PHF23: variants seen among roughly 807,000 people sequenced by gnomAD.
PHF23 encodes the protein PDH-containing protein JUNE-1.
A neutral mutation model predicts 36.0 loss-of-function variants in PHF23; 3 were observed. The ratio of observed to expected loss-of-function variants is 0.08; its 90% CI spans 0.04 to 0.22. The LOEUF (loss-of-function observed/expected upper bound fraction) is 0.22, where lower values mean the gene tolerates loss of function less well. PHF23 is among the 10% of genes least tolerant of loss of function. PHF23 has a pLI of 1.00. For missense variants in PHF23, 475 were observed against 513.6 expected, an observed-to-expected ratio of 0.92 and a Z score of 0.73; for synonymous variants, 242 against 192.5, an observed-to-expected ratio of 1.26 and a Z score of -2.13.
At position 7,236,155 on chromosome 17, in the gene PHF23, C is replaced by T. The variant is rs771843634; in HGVS notation, c.772G>A (p.Glu258Lys). The T allele has an allele frequency of 6.8e-6, 11 of 1,610,156 alleles. No homozygotes were observed. The South Asian group carries it at 8.8e-5, about 13-fold the overall frequency. Residue 258 changes from glutamate to lysine, a missense_variant, in exon 4 of 5, where the codon GAA (glutamate) becomes AAA (lysine). By Grantham distance (56) the Glu-to-Lys change is moderately conservative. This residue lies in a region of PHF23 where 350 missense variants were observed against 319.8 expected (regional missense o/e 1.09). Coordinates refer to ENST00000320316, the MANE Select transcript of PHF23 (RefSeq NM_024297.3). This position sits in a 1 kb window ranked among gnomAD's most constrained non-coding sequence, Gnocchi z 5.1. ...ACCACTGTTGCCATCTCTTCTTCTT[C>T]TTCCTCTTCCTCCTCTTCCTCCTCC... is the stretch of plus-strand genomic sequence containing the variant. The part of the protein sequence containing the change: ...EEEEEEEEEE[E>K]EEEMATVVGG...
chr17:7,236,237 A>G lies in PHF23; in HGVS notation c.690T>C (p.Asp230=). The G allele has an allele frequency of 6.2e-7, 1 of 1,613,292 alleles. No homozygotes were observed. The highest frequency in any genetic ancestry group is 1.7e-4 in the Middle Eastern group (1 of 6,058). ...GGGGAGGCCCAGGAGGTGGGAGTCT[A>G]TCCCCCCGTTCTGCCTTTTTTAACT... ...KRKLKKAERG[D]RLPPPGPPQA... The change falls in exon 4 of 5, where the codon GAT becomes GAC. Residue 230 remains aspartate (D), a synonymous_variant. Coordinates refer to ENST00000320316, the MANE Select transcript of PHF23 (RefSeq NM_024297.3). This position sits in a 1 kb window ranked among gnomAD's most constrained non-coding sequence, Gnocchi z 5.1.
At chr17:7,237,867 G>A in intron 1 of PHF23, 5 of 599,778 alleles carry the variant, frequency 8.3e-6, no homozygotes, top group South Asian at 6.0e-5. Context: ...CTGAGGCCTC[G>A]CTATAGCGCT....
intron 1 of PHF23, 54 bp from the exon 2 acceptor site, chr17:7,237,714 T>TC: frequency 6.3e-7 from 1 of 1,597,056 alleles, no homozygotes. Flanking sequence ...TGTGTAAAAC[T>TC]CCCCCTCTAA....
intron 1 of PHF23, chr17:7,238,981 T>G (rs1325844794): frequency 6.8e-7 from 1 of 1,470,108 alleles, no homozygotes; most frequent in Admixed American, 2.2e-5. Context: ...GGTGGCCCTT[T>G]CGGGCCCTAA....
rs2071679664 is a variant in PHF23 at position 7,236,794 on chromosome 17, A to G, written c.160-27T>C. ...TTAAAAGGGGGAAGAGACCAGGGTC[A>G]GCAGAACCCCAGTGTCATCTCAGCC... On this transcript the variant is annotated intron_variant, in intron 3 of 4. Transcript: ENST00000320316. The surrounding 1 kb of genome is among the most constrained non-coding windows in gnomAD (Gnocchi z 5.1). 1 of 1,584,630 alleles carries G rather than the reference A, an allele frequency of 6.3e-7. No individual in the cohort carries two copies. Among genetic ancestry groups the G allele is most frequent in the Non-Finnish European group, 8.6e-7 (1 of 1,166,674 alleles).
chr17:7,235,986 G>C lies in PHF23; in HGVS notation c.941C>G (p.Ala314Gly), dbSNP rs1238467742. ...GSTETSQDGD[A>G]SSSEGEMRVM... The stretch of plus-strand genomic sequence containing the variant: ...CCGCATCTCGCCTTCACTGGAGCTG[G>C]CATCTCCATCTTGGCTTGTTTCAGT... The change falls in exon 4 of 5, where the codon GCC becomes GGC. Residue 314 changes from alanine to glycine, a missense_variant. Transcript: ENST00000320316. The C allele has an allele frequency of 6.2e-7, 1 of 1,613,522 alleles. No homozygotes were observed. The highest frequency in any genetic ancestry group is 1.1e-5 in the South Asian group (1 of 91,010).
rs368591215 is a variant in PHF23, at chr17:7,236,189, G to C, written c.738C>G (p.Asp246Glu). ...CCTCCTCTTCCTCCTCCTCTTCAGAGTCTGTATCACTGGGGGGTGCCTGGG... is the reference window on the plus strand; with the variant it reads ...CCTCCTCTTCCTCCTCCTCTTCAGACTCTGTATCACTGGGGGGTGCCTGGG... ...GPPQAPPSDT[D>E]SEEEEEEEEE... is the part of the protein sequence containing the mutation. The change falls in exon 4 of 5, where the codon GAC becomes GAG. Residue 246 changes from aspartate (D) to glutamate (E), a missense_variant. Physicochemically the swap from Asp to Glu is conservative, Grantham distance 45. This residue lies in a region of PHF23 where 350 missense variants were observed against 319.8 expected (regional missense o/e 1.09). Transcript: ENST00000320316. This position sits in a 1 kb window ranked among gnomAD's most constrained non-coding sequence, Gnocchi z 5.1. 2.0e-5 allele frequency: 33 copies of C among 1,612,404 alleles called. No homozygotes were observed. Among genetic ancestry groups the C allele is most frequent in the Non-Finnish European group, 2.8e-5 (33 of 1,179,214 alleles).
At position 7,235,655 on chromosome 17, in the gene PHF23, C is replaced by A. The variant is rs553030331; in HGVS notation, c.1183G>T (p.Gly395Trp). The A allele has an allele frequency of 1.9e-6, 3 of 1,613,964 alleles. No individual in the cohort carries two copies. The highest frequency in any genetic ancestry group is 1.1e-5 in the South Asian group (1 of 91,056). Residue 395 changes from glycine (G) to tryptophan (W), a missense_variant, in exon 5 of 5, where the codon GGG becomes TGG. Gly to Trp is a radical substitution (Grantham distance 184). Around this residue, in one of 5 missense-constraint regions of PHF23, gnomAD observed 28 missense variants for 24.6 expected, o/e 1.14. Coordinates refer to ENST00000320316, the MANE Select transcript of PHF23 (RefSeq NM_024297.3). Reference sequence around the variant, plus strand: ...GGCTCTCCAGATTTGGGAGGCCCCCCTAACCGCCGGGCCTCTGGCCTCAGT... The same window carrying A: ...GGCTCTCCAGATTTGGGAGGCCCCCATAACCGCCGGGCCTCTGGCCTCAGT... ...KELRPEARRL[G>W]GPPKSGEP
Position 7,236,319 on chromosome 17 carries a change from C to T in PHF23, c.608G>A (p.Arg203Gln), listed in dbSNP as rs776992936. 1.6e-5 allele frequency: 26 copies of T among 1,613,938 alleles called. No individual in the cohort carries two copies. The highest frequency in any genetic ancestry group is 1.8e-5 in the Non-Finnish European group (21 of 1,179,986). Residue 203 changes from arginine (R) to glutamine (Q), a missense_variant, in exon 4 of 5, where the codon CGG becomes CAG. Physicochemically the swap from Arg to Gln is conservative, Grantham distance 43. Transcript: ENST00000320316. This position sits in a 1 kb window ranked among gnomAD's most constrained non-coding sequence, Gnocchi z 5.1. ...GAGFGVLRRPRPTPGDGEKRS... is the reference protein window; with the variant it reads ...GAGFGVLRRPQPTPGDGEKRS... Reference sequence around the variant, plus strand: ...CTTTTCCCCATCCCCAGGAGTTGGCCGAGGCCTCCGAAGCACCCCAAAGCC... The same window carrying T: ...CTTTTCCCCATCCCCAGGAGTTGGCTGAGGCCTCCGAAGCACCCCAAAGCC...
Position 7,235,951 on chromosome 17 carries a change from C to T in PHF23, c.976G>A (p.Glu326Lys), listed in dbSNP as rs1377384334. The T allele has an allele frequency of 3.7e-6, 6 of 1,611,410 alleles. No homozygotes were observed. The highest frequency in any genetic ancestry group is 1.3e-5 in the African/African-American group (1 of 74,920). The part of the protein sequence containing the change: ...SSEGEMRVMD[E>K]DIMVESGDDS... ...TCACCTGATTCTACCATGATGTCCT[C>T]GTCCATGACCCGCATCTCGCCTTCA... The change falls in exon 4 of 5, where the codon GAG becomes AAG. Residue 326 changes from glutamate to lysine, a missense_variant. By Grantham distance (56) the Glu-to-Lys change is moderately conservative. Coordinates refer to ENST00000320316, the MANE Select transcript of PHF23 (RefSeq NM_024297.3).
chr17:7,239,563 G>A (rs1288399139), upstream of PHF23: 4 of 340,476 alleles, frequency 1.2e-5, no homozygotes, highest in South Asian at 1.1e-4. Flanking sequence ...TCCTCCCCCC[G>A]CCGGCGCCGA....
At chr17:7,239,153 C>T (rs2071743034) in intron 1 of PHF23, 93 bp downstream of exon 1, 2 of 1,061,550 alleles carry the variant, frequency 1.9e-6, no homozygotes, top group Non-Finnish European at 2.8e-6. Flanking sequence ...CCGAACTCCC[C>T]CGCTGGGCTC....
intron 1 of PHF23, 178 bp from the exon 2 acceptor site, chr17:7,237,838 A>C: frequency 1.4e-6 from 1 of 708,458 alleles, no homozygotes; most frequent in Non-Finnish European, 2.3e-6. Context: ...CGAGGGGCGG[A>C]GCCTGGGCGC....
At chr17:7,239,067 T>G in intron 1 of PHF23, 179 bp downstream of exon 1, 1 of 1,219,166 alleles carries the variant, frequency 8.2e-7, no homozygotes, top group Non-Finnish European at 1.1e-6. Context: ...CCCAGCCCAG[T>G]TTCCCACTCC....
In PHF23 at chr17:7,235,532, C is replaced by A; in HGVS notation, c.*94G>T. 7.8e-7 allele frequency: 1 copy of A among 1,283,460 alleles called. No individual in the cohort carries two copies. Among genetic ancestry groups the A allele is most frequent in the Non-Finnish European group, 1.1e-6 (1 of 904,098 alleles). 79.5% of individuals were successfully genotyped at this position (1,283,460 alleles called of 1,614,324 possible). A position where few individuals can be genotyped will look rare whatever the true frequency, so the allele number is the denominator to read the frequency against. On this transcript the variant is annotated 3_prime_UTR_variant, in exon 5 of 5. Coordinates refer to ENST00000320316, the MANE Select transcript of PHF23 (RefSeq NM_024297.3). ...GAGAATTCCTGCCTTGAAGTGCAGA[C>A]AGTATCCAAGCTCCAGGGGATAGGC...
At position 7,236,243 on chromosome 17, in the gene PHF23, C is replaced by G. The variant is rs1377707183; in HGVS notation, c.684G>C (p.Arg228=). ...SKKRKLKKAE[R]GDRLPPPGPP... is the part of the protein sequence containing the mutation. ...GCCCAGGAGGTGGGAGTCTATCCCCCCGTTCTGCCTTTTTTAACTTCCGCT... is the reference window on the plus strand; with the variant it reads ...GCCCAGGAGGTGGGAGTCTATCCCCGCGTTCTGCCTTTTTTAACTTCCGCT... The change falls in exon 4 of 5, where the codon CGG becomes CGC. Residue 228 remains arginine (R), a synonymous_variant. Transcript: ENST00000320316. The surrounding 1 kb of genome is among the most constrained non-coding windows in gnomAD (Gnocchi z 5.1). The G allele has an allele frequency of 6.2e-7, 1 of 1,613,472 alleles. No individual in the cohort carries two copies. The highest frequency in any genetic ancestry group is 1.7e-5 in the Admixed American group (1 of 59,936).
Position 7,237,678 on chromosome 17 carries a change from G to C in PHF23, c.35-18C>G. 6.2e-7 allele frequency: 1 copy of C among 1,613,626 alleles called. No homozygotes were observed. Among genetic ancestry groups the C allele is most frequent in the Non-Finnish European group, 8.5e-7 (1 of 1,179,734 alleles). ...AGGTGGATCTGGAAAAGCAATAAAA[G>C]CTGAGTCAAGACACTAGGAACAATC... On this transcript the variant is annotated intron_variant, in intron 1 of 4. Coordinates refer to ENST00000320316, the MANE Select transcript of PHF23 (RefSeq NM_024297.3).
At position 7,237,488 on chromosome 17, in the gene PHF23, GGA is replaced by G; in HGVS notation, c.67-13_67-12del. 1 of 1,612,930 alleles carries G rather than the reference GGA, an allele frequency of 6.2e-7. No homozygotes were observed. The highest frequency in any genetic ancestry group is 8.5e-7 in the Non-Finnish European group (1 of 1,178,962). ...CCGTTTCTCTGGTGGCTGAAAGGAA[GGA>G]GATATGGATCACATGCAAAGCCACA... is the stretch of plus-strand genomic sequence containing the variant. On this transcript the variant is annotated splice_polypyrimidine_tract_variant and intron_variant, in intron 2 of 4. Coordinates refer to ENST00000320316, the MANE Select transcript of PHF23 (RefSeq NM_024297.3).
At chr17:7,239,051 A>C in intron 1 of PHF23, 195 bp downstream of exon 1, 1 of 1,298,282 alleles carries the variant, frequency 7.7e-7, no homozygotes, top group East Asian at 2.7e-5. Flanking sequence ...TCTGATCTCC[A>C]ACTACCCCAG....
Sources: gnomAD v4.1 joint callset for allele counts on GRCh38, gnomAD v4.1.1 for gene constraint, gnomAD v4.1.1 regional missense constraint, Gnocchi (gnomAD v3.1) non-coding constraint, MANE v1.5 for transcripts, NCBI Gene and HGNC (gene_info 2026-07-23, HGNC 2026-07-21) for gene names.